The following ERC1 variants were observed in gnomAD, a reference collection of about 807,000 sequenced individuals.
ERC1 encodes RAB6 interacting protein 2.
A neutral mutation model predicts 132.0 loss-of-function variants in ERC1; 56 were observed. That is an observed-to-expected ratio of 0.42 (90% CI 0.34 to 0.53). The LOEUF is 0.53. Ranked by LOEUF, ERC1 falls within the 20% of genes least tolerant of loss-of-function variation. The pLI is 0.03. For synonymous variants in ERC1, 478 were observed against 476.1 expected, an observed-to-expected ratio of 1.00 and a Z score of -0.05; for missense variants, 1,202 against 1,349.9, an observed-to-expected ratio of 0.89 and a Z score of 1.72.
At chr12:1,282,690 A>G (rs1031682196) in intron 14 of ERC1, among the ~76,000 whole-genome samples, 1 of 152,240 alleles carries the variant, frequency 6.6e-6, no homozygotes, top group African/African-American at 2.4e-5. Context: ...GTATATGTGT[A>G]TATATGTTTT....
intron 17 of ERC1, among the ~76,000 whole-genome samples, chr12:1,433,126 T>C (rs1282752785): frequency 1.3e-5 from 2 of 152,174 alleles, no homozygotes; most frequent in East Asian, 3.8e-4. Flanking sequence ...AATGTTTAGG[T>C]AGATGCAATT....
At chr12:1,363,275 G>A (rs1453060564) in intron 15 of ERC1, among the ~76,000 whole-genome samples, 3 of 152,128 alleles carry the variant, frequency 2.0e-5, no homozygotes, top group Non-Finnish European at 4.4e-5. Context: ...TATAGCAGAG[G>A]TCTCAATAGC....
intron 2 of ERC1, among the ~76,000 whole-genome samples, chr12:1,071,575 A>G (rs1471829928): frequency 6.6e-6 from 1 of 151,884 alleles, no homozygotes; most frequent in African/African-American, 2.4e-5. Context: ...GAGTTGTAGA[A>G]GTAGTTTATA....
chr12:1,311,040 T>C (rs893967422), intron 15 of ERC1, among the ~76,000 whole-genome samples: 1 of 152,230 alleles, frequency 6.6e-6, no homozygotes, highest in Non-Finnish European at 1.5e-5. Flanking sequence ...ACAAGAAACA[T>C]AGGCACAGAA....
chr12:1,253,335 G>T (rs2076580308), intron 13 of ERC1, among the ~76,000 whole-genome samples: 1 of 152,104 alleles, frequency 6.6e-6, no homozygotes, highest in African/African-American at 2.4e-5. Flanking sequence ...AATTTTAATT[G>T]CAGTTTCTCC....
intron 7 of ERC1, among the ~76,000 whole-genome samples, chr12:1,137,843 A>G (rs1949410371): frequency 1.3e-5 from 2 of 149,492 alleles, no homozygotes; most frequent in Middle Eastern, 3.2e-3. Context: ...ACAGAGCAAG[A>G]CTGTCTCAAA....
intron 12 of ERC1, among the ~76,000 whole-genome samples, chr12:1,224,999 A>C (rs977719338): frequency 3.3e-5 from 5 of 152,172 alleles, no homozygotes; most frequent in Non-Finnish European, 7.3e-5. Flanking sequence ...AAGAAAGAAA[A>C]GAAAAGAAAA....
At chr12:1,235,226 G>T (rs2075333619) in intron 12 of ERC1, among the ~76,000 whole-genome samples, 1 of 152,154 alleles carries the variant, frequency 6.6e-6, no homozygotes, top group Non-Finnish European at 1.5e-5. Context: ...GGGTGTGGTG[G>T]CATGTGCCTG....
At chr12:1,374,437 G>A (rs12422548) in intron 16 of ERC1, among the ~76,000 whole-genome samples, 41,669 of 151,872 alleles carry the variant, frequency 0.27, 6,125 homozygotes, top group Middle Eastern at 0.35. Flanking sequence ...TGGCAAAGCA[G>A]CACTTGGAGA....
At chr12:1,186,690 A>G (rs1955130617) in intron 11 of ERC1, among the ~76,000 whole-genome samples, 1 of 152,208 alleles carries the variant, frequency 6.6e-6, no homozygotes. Context: ...AAGAAAGGGG[A>G]GAAGAAAATG....
At chr12:1,432,164 G>C (rs1227966117) in intron 17 of ERC1, among the ~76,000 whole-genome samples, 1 of 152,128 alleles carries the variant, frequency 6.6e-6, no homozygotes, top group African/African-American at 2.4e-5. Context: ...CATATACTTA[G>C]GCTTTGCAAA....
chr12:1,370,103 C>G (rs1201634382), intron 15 of ERC1, among the ~76,000 whole-genome samples: 3 of 152,194 alleles, frequency 2.0e-5, no homozygotes, highest in Non-Finnish European at 2.9e-5. Context: ...TTCCTCAGGT[C>G]AAAAGCTCAG....
intron 18 of ERC1, among the ~76,000 whole-genome samples, chr12:1,474,566 T>G (rs2093932601): frequency 6.6e-6 from 1 of 152,182 alleles, no homozygotes. Context: ...AAAATGTTGT[T>G]TCTGTTCTAA....
rs558885416 is a variant in ERC1, at chr12:1,437,682, C to T, written c.3025-6880C>T. ...ATTTCAAGATTTATTTTATTCTGAACGCTGTTCCATATCTCCTTACAGCTT... is the reference window on the plus strand; with the variant it reads ...ATTTCAAGATTTATTTTATTCTGAATGCTGTTCCATATCTCCTTACAGCTT... On this transcript the variant is annotated intron_variant, in intron 17 of 18. Coordinates refer to ENST00000360905, the MANE Select transcript of ERC1 (RefSeq NM_178040.4). Among the ~76,000 whole-genome samples, 15 of 152,326 alleles carry T rather than the reference C, an allele frequency of 9.8e-5. No individual in the cohort carries two copies. In the South Asian group the frequency reaches 2.3e-3, roughly 23 times the overall value.
At chr12:1,326,986 T>C (rs1021223845) in intron 15 of ERC1, among the ~76,000 whole-genome samples, 1 of 152,204 alleles carries the variant, frequency 6.6e-6, no homozygotes, top group African/African-American at 2.4e-5. Context: ...TGACAAATTA[T>C]GTCTTAACAT....
In ERC1 at chr12:1,170,580, T is replaced by C. The variant is rs185538638; in HGVS notation, c.1738-9960T>C. ...GTGCCCTCTTTGTCTTTTGAGCAAT[T>C]TTAGCACAGGGAGGTCTGTCAATTT... On this transcript the variant is annotated intron_variant, in intron 8 of 18. Coordinates refer to ENST00000360905, the MANE Select transcript of ERC1 (RefSeq NM_178040.4). 2.0e-5 allele frequency among the ~76,000 whole-genome samples: 3 copies of C among 152,326 alleles called. No individual in the cohort carries two copies. The East Asian group carries it at 5.8e-4, about 29-fold the overall frequency.
chr12:1,267,420 A>T (rs2077549372), intron 14 of ERC1, among the ~76,000 whole-genome samples: 1 of 152,242 alleles, frequency 6.6e-6, no homozygotes, highest in Non-Finnish European at 1.5e-5. Context: ...TGATGTTATG[A>T]AATTTAAATT....
chr12:1,324,551 G>C (rs1034848870), intron 15 of ERC1, among the ~76,000 whole-genome samples: 6 of 152,162 alleles, frequency 3.9e-5, no homozygotes, highest in Non-Finnish European at 7.4e-5. Flanking sequence ...GGGTAATCCA[G>C]TCAGAGAGGG....
intron 2 of ERC1, among the ~76,000 whole-genome samples, chr12:1,062,720 T>A (rs1345238): frequency 0.23 from 34,618 of 152,162 alleles, 4,365 homozygotes; most frequent in Middle Eastern, 0.28. Context: ...TGCCTGTTAG[T>A]TCCATTTGGT....
Sources: gnomAD v4.1 joint callset for allele counts (sites outside exome capture counted in the v4.1 genomes callset) on GRCh38, gnomAD v4.1.1 for gene constraint, MANE v1.5 for transcripts, NCBI Gene and HGNC (gene_info 2026-07-23, HGNC 2026-07-21) for gene names.